ATP6AP2: variants seen among roughly 807,000 people sequenced by gnomAD.
The protein encoded by ATP6AP2 is renin receptor.
Under a neutral mutation model 23.4 loss-of-function variants are expected in ATP6AP2, and 1 was observed. The observed-to-expected ratio is 0.04, with a 90% confidence interval of 0.02 to 0.20. ATP6AP2 has a LOEUF of 0.20. Among genes scored for constraint, ATP6AP2 ranks in the 10% least tolerant of loss-of-function variants. The pLI is 1.00. For missense variants in ATP6AP2, 174 were observed against 271.3 expected (o/e 0.64, Z 2.52); for synonymous variants, 90 against 97.1 (o/e 0.93, Z 0.43).
At chrX:40,605,174 C>G (rs1020448694) in intron 8 of ATP6AP2, 2 of 139,970 alleles carry the variant, frequency 1.4e-5, no homozygotes, top group African/African-American at 6.4e-5. Context: ...AGGTGATCTG[C>G]CCGCCTTGGC....
chrX:40,597,413 G>A (rs1025250054), intron 4 of ATP6AP2, 69 bp downstream of exon 4: 2 of 1,058,208 alleles, frequency 1.9e-6, no homozygotes, highest in Non-Finnish European at 2.6e-6. Context: ...ATTATGAAAT[G>A]TAATTTTATT....
At chrX:40,584,450 C>G (rs779298846) in intron 1 of ATP6AP2, among the ~76,000 whole-genome samples, 1 of 106,770 alleles carries the variant, frequency 9.4e-6, no homozygotes, top group Non-Finnish European at 1.9e-5. Context: ...CGGCTCACTA[C>G]AACCTCCGCC....
intron 1 of ATP6AP2, among the ~76,000 whole-genome samples, chrX:40,588,141 T>C (rs1423044962): frequency 8.9e-6 from 1 of 112,568 alleles, no homozygotes. Context: ...ACCTCATCCT[T>C]AGCTGTGGAG....
intron 3 of ATP6AP2, chrX:40,596,999 A>G (rs1926789478): frequency 2.8e-6 from 1 of 358,292 alleles, no homozygotes; most frequent in Non-Finnish European, 4.9e-6. Flanking sequence ...TGTGCTAGAT[A>G]TAGTGTTGTG....
chrX:40,599,825 C>T, intron 7 of ATP6AP2, 84 bp downstream of exon 7: 2 of 1,109,200 alleles, frequency 1.8e-6, no homozygotes, highest in Non-Finnish European at 2.5e-6. Context: ...GTTTCAAACA[C>T]TGTTGATTGA....
intron 8 of ATP6AP2, among the ~76,000 whole-genome samples, chrX:40,602,398 C>A (rs908919638): frequency 1.0e-5 from 1 of 100,102 alleles, no homozygotes; most frequent in Non-Finnish European, 1.9e-5. Flanking sequence ...CACCTGTAAT[C>A]CCAGCACTTT....
At chrX:40,593,818 A>G (rs974265133) in intron 3 of ATP6AP2, among the ~76,000 whole-genome samples, 9 of 111,665 alleles carry the variant, frequency 8.1e-5, no homozygotes, top group Non-Finnish European at 1.5e-4. Context: ...ACCCAGCTGC[A>G]CATTATCTTT....
At chrX:40,598,600 T>C (rs899065257) in intron 5 of ATP6AP2, 81 bp from the exon 6 acceptor site, 24 of 895,898 alleles carry the variant, frequency 2.7e-5, no homozygotes, top group Non-Finnish European at 1.8e-5. Flanking sequence ...TGTAATATCC[T>C]GTGCCTTGCT....
At chrX:40,605,432 G>A (rs1927048158) in intron 8 of ATP6AP2, 129 bp from the exon 9 acceptor site, 1 of 596,424 alleles carries the variant, frequency 1.7e-6, no homozygotes, top group African/African-American at 2.3e-5. Flanking sequence ...CTTCCTCCTA[G>A]TATAAGTAGC....
intron 4 of ATP6AP2, 75 bp from the exon 5 acceptor site, chrX:40,597,452 A>G: frequency 5.5e-6 from 6 of 1,092,814 alleles, no homozygotes; most frequent in Non-Finnish European, 7.6e-6. Flanking sequence ...TTTATGAACA[A>G]TGTTGTCATA....
chrX:40,590,915 GA>G (rs1240304844), intron 2 of ATP6AP2: 2 of 234,555 alleles, frequency 8.5e-6, no homozygotes, highest in African/African-American at 5.7e-5. Context: ...GCTACATGAA[GA>G]AAATATTTTG....
In ATP6AP2 at chrX:40,600,780, A is replaced by G; in HGVS notation, c.757A>G (p.Ser253Gly). Residue 253 changes from serine to glycine, a missense_variant, in exon 8 of 9, where the codon AGT becomes GGT. Coordinates refer to ENST00000636580, the MANE Select transcript of ATP6AP2 (RefSeq NM_005765.3). The stretch of plus-strand genomic sequence containing the variant: ...CTTTCAGTTTGCAGATGACATGTAC[A>G]GTCTTTATGGTGGGAATGCAGTGGT... ...ALQKFADDMYSLYGGNAVVEL... is the reference protein window; with the variant it reads ...ALQKFADDMYGLYGGNAVVEL... 1 of 1,207,984 alleles carries G rather than the reference A, an allele frequency of 8.3e-7. No individual in the cohort carries two copies. The highest frequency in any genetic ancestry group is 1.1e-6 in the Non-Finnish European group (1 of 892,586).
intron 1 of ATP6AP2, 61 bp from the exon 2 acceptor site, chrX:40,588,925 A>G: frequency 8.9e-7 from 1 of 1,128,865 alleles, no homozygotes; most frequent in South Asian, 1.8e-5. Flanking sequence ...ATATTTAATA[A>G]TTGTCAAGGT....
At chrX:40,586,320 C>T (rs1022196075) in intron 1 of ATP6AP2, among the ~76,000 whole-genome samples, 49 of 111,663 alleles carry the variant, frequency 4.4e-4, no homozygotes, top group African/African-American at 1.5e-3. Context: ...AGAGTGGCTT[C>T]CTTAACAAAC....
chrX:40,603,797 G>A (rs150585601), intron 8 of ATP6AP2, among the ~76,000 whole-genome samples: 1,379 of 111,582 alleles, frequency 0.012, 21 homozygotes, highest in African/African-American at 0.043. Context: ...CCGGAGTGCA[G>A]TGGCGCAATC....
Position 40,597,632 on chromosome X carries a change from C to G in ATP6AP2, c.502C>G (p.Leu168Val). 1 of 1,209,474 alleles carries G rather than the reference C, an allele frequency of 8.3e-7. No homozygotes were observed. The change falls in exon 5 of 9, where the codon CTC becomes GTC. Residue 168 changes from leucine (L) to valine (V), a missense_variant. Coordinates refer to ENST00000636580, the MANE Select transcript of ATP6AP2 (RefSeq NM_005765.3). ...TCAAGAAAACTCTGTTCTCAGTTCA[C>G]TCCCCCTCAATTCTCTGAGTAGGAA... ...LFQENSVLSS[L>V]PLNSLSRNNE...
rs760027081 is a variant in ATP6AP2, at chrX:40,597,626, A to T, written c.496A>T (p.Ser166Cys). The T allele has an allele frequency of 4.0e-5, 48 of 1,207,968 alleles. No homozygotes were observed. Among genetic ancestry groups the T allele is most frequent in the Non-Finnish European group, 5.4e-5 (48 of 893,236 alleles). The change falls in exon 5 of 9, where the codon AGT becomes TGT. Residue 166 changes from serine to cysteine, a missense_variant. Transcript: ENST00000636580. ...NRLFQENSVL[S>C]SLPLNSLSRN... ...CCTGTTTCAAGAAAACTCTGTTCTC[A>T]GTTCACTCCCCCTCAATTCTCTGAG...
intron 2 of ATP6AP2, 169 bp downstream of exon 2, chrX:40,589,285 C>T (rs1398950644): frequency 2.6e-5 from 15 of 575,199 alleles, no homozygotes; most frequent in Non-Finnish European, 3.1e-5. Flanking sequence ...GTAATCCCGG[C>T]ACTCTGGGAG....
intron 7 of ATP6AP2, 143 bp downstream of exon 7, chrX:40,599,884 T>C: frequency 8.8e-6 from 6 of 685,615 alleles, no homozygotes; most frequent in Non-Finnish European, 1.3e-5. Flanking sequence ...TGGCCAAGGA[T>C]GGAGTAGGGT....
Sources: gnomAD v4.1 joint callset for allele counts (sites outside exome capture counted in the v4.1 genomes callset) on GRCh38, gnomAD v4.1.1 for gene constraint, MANE v1.5 for transcripts, NCBI Gene and HGNC (gene_info 2026-07-23, HGNC 2026-07-21) for gene names.